MTHFD1: variants seen among roughly 807,000 people sequenced by gnomAD.
MTHFD1 encodes C-1-tetrahydrofolate synthase, cytoplasmic.
Under a neutral mutation model 110.3 loss-of-function variants are expected in MTHFD1, and 44 were observed. The observed-to-expected ratio is 0.40, with a 90% CI of 0.31 to 0.51. The LOEUF (loss-of-function observed/expected upper bound fraction) is 0.51, where lower values mean the gene tolerates loss of function less well. Ranked by LOEUF, MTHFD1 falls within the 20% of genes least tolerant of loss-of-function variation. The probability of loss-of-function intolerance (pLI) is 0.60; values close to 1 mark genes in which losing one functional copy is unlikely to be tolerated. For missense variants in MTHFD1, 909 were observed against 1,173.1 expected (o/e 0.77, Z 3.29); for synonymous variants, 402 against 428.8 (o/e 0.94, Z 0.77).
intron 19 of MTHFD1, chr14:64,441,739 C>T: frequency 1.8e-6 from 1 of 543,618 alleles, no homozygotes; most frequent in Non-Finnish European, 3.3e-6. Flanking sequence ...GGAGGCAGAG[C>T]TTGCAGTGAG....
intron 11 of MTHFD1, 75 bp from the exon 12 acceptor site, chr14:64,427,262 T>C: frequency 6.7e-7 from 1 of 1,503,398 alleles, no homozygotes; most frequent in South Asian, 1.1e-5. Context: ...TTCTCTAGGA[T>C]CTGCTAGGTA....
At chr14:64,393,019 C>G (rs56029832) in intron 1 of MTHFD1, among the ~76,000 whole-genome samples, 30,168 of 152,152 alleles carry the variant, frequency 0.2, 3,201 homozygotes, top group African/African-American at 0.28. Context: ...TAGTGAAGGG[C>G]AGGTCTTCTT....
intron 8 of MTHFD1, among the ~76,000 whole-genome samples, chr14:64,421,553 C>T (rs904166276): frequency 1.3e-5 from 2 of 152,198 alleles, no homozygotes; most frequent in Admixed American, 1.3e-4. Context: ...AATTGCTCTC[C>T]TACAACTCCT....
rs1452878988 is a variant in MTHFD1, at chr14:64,425,847, G to A, written c.953+20G>A. 1 of 1,603,150 alleles carries A rather than the reference G, an allele frequency of 6.2e-7. No homozygotes were observed. The highest frequency in any genetic ancestry group is 8.5e-7 in the Non-Finnish European group (1 of 1,170,218). ...TCCAAGGTAAAAATAAAGTTTTACT[G>A]ATTTAAAACTTTGTGAATTGTTGGT... On this transcript the variant is annotated intron_variant, in intron 10 of 27. Coordinates refer to ENST00000652337, the MANE Select transcript of MTHFD1 (RefSeq NM_005956.4).
chr14:64,394,633 G>T (rs2077832886), intron 1 of MTHFD1, among the ~76,000 whole-genome samples: 1 of 151,886 alleles, frequency 6.6e-6, no homozygotes. Flanking sequence ...GGAGATAAGG[G>T]AGCATTTCTG....
rs753494717 is a variant in MTHFD1 at position 64,442,346 on chromosome 14, G to A, written c.2080G>A (p.Val694Met). The stretch of plus-strand genomic sequence containing the variant: ...CCGGTATTCCGGCCTCTGCCCCCAC[G>A]TGGTGGTGCTTGTTGCCACTGTCAG... Reference protein sequence around the residue: ...KCRYSGLCPHVVVLVATVRAL... With the variant: ...KCRYSGLCPHMVVLVATVRAL... The change falls in exon 21 of 28, where the codon GTG (valine) becomes ATG (methionine). Residue 694 changes from valine (V) to methionine (M), a missense_variant. By Grantham distance (21) the Val-to-Met change is conservative. Around this residue, in one of 3 missense-constraint regions of MTHFD1, gnomAD observed 482 missense variants for 646.0 expected, o/e 0.75. Coordinates refer to ENST00000652337, the MANE Select transcript of MTHFD1 (RefSeq NM_005956.4). The A allele has an allele frequency of 5.6e-6, 9 of 1,614,070 alleles. No individual in the cohort carries two copies. The highest frequency in any genetic ancestry group is 3.3e-4 in the Middle Eastern group (2 of 6,084).
rs1384989189 is a variant in MTHFD1, at chr14:64,426,078, T to C, written c.1013T>C (p.Ile338Thr). ...CCCATTGGTAAGCTGGCTCGAGAAA[T>C]TGGTCTGCTGTCTGAAGAGGTAGAA... ...PKPIGKLARE[I>T]GLLSEEVELY... Residue 338 changes from isoleucine to threonine, a missense_variant, in exon 11 of 28, where the codon ATT becomes ACT. Transcript: ENST00000652337. 2.5e-6 allele frequency: 4 copies of C among 1,613,740 alleles called. No homozygotes were observed. In the East Asian group the frequency reaches 6.7e-5, roughly 27 times the overall value.
chr14:64,417,976 T>A lies in MTHFD1; in HGVS notation c.567T>A (p.Asn189Lys). Residue 189 changes from asparagine to lysine, a missense_variant, in exon 7 of 28, where the codon AAT (asparagine) becomes AAA (lysine). This residue lies in a region of MTHFD1 where 424 missense variants were observed against 510.4 expected (regional missense o/e 0.83). Transcript: ENST00000652337. The surrounding 1 kb of genome is among the most constrained non-coding windows in gnomAD (Gnocchi z 4.4). ...TGCATGACTTGCTTCTGTGGAACAATGCCACAGTGACCACCTGCCACTCCA... is the reference window on the plus strand; with the variant it reads ...TGCATGACTTGCTTCTGTGGAACAAAGCCACAGTGACCACCTGCCACTCCA... The part of the protein sequence containing the change: ...APMHDLLLWN[N>K]ATVTTCHSKT... 1 of 1,613,960 alleles carries A rather than the reference T, an allele frequency of 6.2e-7. No individual in the cohort carries two copies. Among genetic ancestry groups the A allele is most frequent in the Non-Finnish European group, 8.5e-7 (1 of 1,179,988 alleles).
chr14:64,406,600 C>T (rs944019916), intron 2 of MTHFD1, among the ~76,000 whole-genome samples: 1 of 150,968 alleles, frequency 6.6e-6, no homozygotes, highest in East Asian at 2.0e-4. Context: ...TCAAGCTATC[C>T]TCCCATCTCA....
chr14:64,438,954 A>G, intron 16 of MTHFD1, 142 bp from the exon 17 acceptor site: 1 of 715,436 alleles, frequency 1.4e-6, no homozygotes, highest in Admixed American at 2.0e-5. Context: ...TAACTTTAAC[A>G]CATATTCTAG....
intron 24 of MTHFD1, 78 bp downstream of exon 24, chr14:64,449,700 A>G: frequency 7.3e-6 from 11 of 1,506,692 alleles, no homozygotes; most frequent in South Asian, 3.5e-5. Context: ...TACTTCTATT[A>G]GAGCCCCATG....
At chr14:64,411,196 G>A (rs777688362) in intron 3 of MTHFD1, 47 bp downstream of exon 3, 1 of 1,480,320 alleles carries the variant, frequency 6.8e-7, no homozygotes, top group South Asian at 1.1e-5. Flanking sequence ...CCTCCACCTG[G>A]GTCCTATCGA....
chr14:64,452,261 C>G (rs2078385189), intron 24 of MTHFD1, among the ~76,000 whole-genome samples: 1 of 152,222 alleles, frequency 6.6e-6, no homozygotes, highest in Non-Finnish European at 1.5e-5. Context: ...CGCCATTGCA[C>G]TCCAGCCTGG....
In MTHFD1 at chr14:64,430,207, TC is replaced by T; in HGVS notation, c.1291del (p.Gln431ArgfsTer38). 1 of 1,613,708 alleles carries T rather than the reference TC, an allele frequency of 6.2e-7. No individual in the cohort carries two copies. Among genetic ancestry groups the T allele is most frequent in the South Asian group, 1.1e-5 (1 of 91,064 alleles). On this transcript the variant is annotated frameshift_variant, in exon 13 of 28. Coordinates refer to ENST00000652337, the MANE Select transcript of MTHFD1 (RefSeq NM_005956.4). LOFTEE classifies it high-confidence loss of function. ...IKGGAAGGGY[S>X]QVIPMEEFNL... is the part of the protein sequence containing the mutation. ...AGGTGGCGCTGCAGGAGGCGGCTAC[TC>T]CCAGGTCATTCCTATGGAAGAGGTA...
At chr14:64,428,426 TTAAAA>T (rs376807308) in intron 12 of MTHFD1, among the ~76,000 whole-genome samples, 75 of 150,014 alleles carry the variant, frequency 5.0e-4, no homozygotes, top group African/African-American at 1.8e-3. Context: ...GCTGTCTTAA[TTAAAA>T]TAATGTTTAT....
chr14:64,388,693 G>A (rs2077782685), intron 1 of MTHFD1: 2 of 609,012 alleles, frequency 3.3e-6, no homozygotes, highest in South Asian at 3.9e-5. Context: ...TCGGGGAAAA[G>A]TCCTGTGCCG....
chr14:64,445,666 T>C (rs1486099480), intron 22 of MTHFD1, among the ~76,000 whole-genome samples: 3 of 152,214 alleles, frequency 2.0e-5, no homozygotes, highest in African/African-American at 2.4e-5. Flanking sequence ...TTCTGAGTTA[T>C]GGTTTGCCTT....
At chr14:64,406,191 A>G (rs1161377151) in intron 2 of MTHFD1, among the ~76,000 whole-genome samples, 7 of 151,018 alleles carry the variant, frequency 4.6e-5, no homozygotes, top group Non-Finnish European at 1.5e-5. Context: ...GGTGTGTTCC[A>G]CCACGCCTGG....
At chr14:64,441,538 G>T in intron 19 of MTHFD1, 85 bp downstream of exon 19, 2 of 1,278,830 alleles carry the variant, frequency 1.6e-6, no homozygotes, top group South Asian at 2.4e-5. Context: ...AAGGCGCGGT[G>T]GCTCACACCT....
Sources: gnomAD v4.1 joint callset for allele counts (sites outside exome capture counted in the v4.1 genomes callset) on GRCh38, gnomAD v4.1.1 for gene constraint, gnomAD v4.1.1 regional missense constraint, Gnocchi (gnomAD v3.1) non-coding constraint, MANE v1.5 for transcripts, NCBI Gene and HGNC (gene_info 2026-07-23, HGNC 2026-07-21) for gene names.